The following RBFOX1 variants were observed in gnomAD, a reference collection of about 807,000 sequenced individuals.
RBFOX1 encodes RNA binding protein fox-1 homolog 1.
RBFOX1 carries 8 observed loss-of-function variants against 57.7 expected under a neutral mutation model. The observed-to-expected ratio is 0.14, with a 90% CI of 0.08 to 0.25. The LOEUF is 0.25. Among genes scored for constraint, RBFOX1 ranks in the 10% least tolerant of loss-of-function variants. The probability of loss-of-function intolerance (pLI) is 1.00; values close to 1 mark genes in which losing one functional copy is unlikely to be tolerated. For synonymous variants in RBFOX1, 326 were observed against 222.4 expected, an observed-to-expected ratio of 1.47 and a Z score of -4.15; for missense variants, 611 against 548.5, an observed-to-expected ratio of 1.11 and a Z score of -1.14.
intron 4 of RBFOX1, among the ~76,000 whole-genome samples, chr16:7,478,069 T>C (rs1384337199): frequency 3.0e-4 from 45 of 152,244 alleles, no homozygotes; most frequent in Admixed American, 2.9e-3. Context: ...GCATTTCAAA[T>C]GGATAAGCAC....
At chr16:5,815,156 A>ATTTTTTTTTTTTTT in intron 3 of RBFOX1, among the ~76,000 whole-genome samples, 1 of 114,222 alleles carries the variant, frequency 8.8e-6, no homozygotes, top group Non-Finnish European at 1.7e-5. Flanking sequence ...ATTTAATTTA[A>ATTTTTTTTTTTTTT]TTTTTTTTTT....
At chr16:5,707,180 C>G (rs1304819652) in intron 3 of RBFOX1, among the ~76,000 whole-genome samples, 1 of 152,164 alleles carries the variant, frequency 6.6e-6, no homozygotes, top group Non-Finnish European at 1.5e-5. Flanking sequence ...TTTGTGAGCC[C>G]ATGAGTAGGA....
In RBFOX1 at chr16:5,935,303, TGCCACATGGG is replaced by T. The variant is rs1231143991; in HGVS notation, c.351+67980_351+67989del. Among the ~76,000 whole-genome samples the T allele has an allele frequency of 7.9e-5, 12 of 152,262 alleles. 1 individual carries two copies. The highest frequency in any genetic ancestry group is 1.9e-4 in the East Asian group (1 of 5,178). ...GTTCCCAAGAGTAGGGGGCAGGCCA[TGCCACATGGG>T]GCCACATGGGGACACACGAGGATCC... On this transcript the variant is annotated intron_variant, in intron 4 of 19. Transcript: ENST00000641259.
At chr16:6,847,547 G>A (rs980831122) in intron 3 of RBFOX1, among the ~76,000 whole-genome samples, 1 of 152,108 alleles carries the variant, frequency 6.6e-6, no homozygotes, top group African/African-American at 2.4e-5. Context: ...CACAGTCAAG[G>A]TGTAGGGAAG....
intron 4 of RBFOX1, among the ~76,000 whole-genome samples, chr16:5,891,124 G>A (rs914118772): frequency 3.3e-5 from 5 of 152,220 alleles, no homozygotes; most frequent in Non-Finnish European, 5.9e-5. Context: ...GCCCAGCACA[G>A]AAGTCAGTTC....
At chr16:5,903,044 C>G (rs1374455214) in intron 4 of RBFOX1, among the ~76,000 whole-genome samples, 1 of 152,066 alleles carries the variant, frequency 6.6e-6, no homozygotes, top group Non-Finnish European at 1.5e-5. Flanking sequence ...GGCTCCTAGC[C>G]TTTTCTTGGA....
intron 1 of RBFOX1, among the ~76,000 whole-genome samples, chr16:5,370,904 G>A (rs182199481): frequency 1.1e-4 from 17 of 152,300 alleles, no homozygotes; most frequent in Admixed American, 7.2e-4. Context: ...TATGAACTGA[G>A]CAGTGTCCAT....
intron 3 of RBFOX1, among the ~76,000 whole-genome samples, chr16:7,018,881 G>A (rs769154044): frequency 6.6e-6 from 1 of 152,090 alleles, no homozygotes; most frequent in Non-Finnish European, 1.5e-5. Flanking sequence ...CACATTGGGA[G>A]GCCAAAGTGG....
chr16:5,472,924 C>T (rs2069187907), intron 2 of RBFOX1, among the ~76,000 whole-genome samples: 1 of 152,152 alleles, frequency 6.6e-6, no homozygotes, highest in Non-Finnish European at 1.5e-5. Flanking sequence ...CATGGAATTC[C>T]TGCTCAAAGT....
At chr16:6,640,869 C>T (rs552605097) in intron 2 of RBFOX1, among the ~76,000 whole-genome samples, 36 of 152,164 alleles carry the variant, frequency 2.4e-4, no homozygotes, top group African/African-American at 8.2e-4. Flanking sequence ...AGGCCAAGAC[C>T]CAAAACAAGC....
At chr16:7,547,362 T>G (rs1023235942) in intron 5 of RBFOX1, among the ~76,000 whole-genome samples, 1 of 152,204 alleles carries the variant, frequency 6.6e-6, no homozygotes. Flanking sequence ...ATTGTGTCAG[T>G]TGGCACCACA....
At chr16:5,443,327 A>C (rs961597539) in intron 1 of RBFOX1, among the ~76,000 whole-genome samples, 1 of 152,006 alleles carries the variant, frequency 6.6e-6, no homozygotes, top group Admixed American at 6.6e-5. Context: ...GTCACCTACC[A>C]TCTGCGTTTT....
At chr16:6,030,847 G>A (rs1401861024) in intron 1 of RBFOX1, among the ~76,000 whole-genome samples, 1 of 152,066 alleles carries the variant, frequency 6.6e-6, no homozygotes, top group Non-Finnish European at 1.5e-5. Context: ...GCCATTTATT[G>A]CCTTTTTCAT....
rs73530737 is a variant in RBFOX1, at chr16:6,783,252, G to A, written c.-16+128602G>A. On this transcript the variant is annotated intron_variant, in intron 3 of 15. Coordinates refer to ENST00000550418, the MANE Select transcript of RBFOX1 (RefSeq NM_018723.4). ...ACACTCATTGTTATTATTGATAGGT[G>A]AGGACTTACTACCGCCATTTAGTTG... Among the ~76,000 whole-genome samples the A allele has an allele frequency of 1.6e-3, 240 of 151,332 alleles. 2 individuals are homozygous for A. The highest frequency in any genetic ancestry group is 5.6e-3 in the African/African-American group (233 of 41,342).
chr16:5,757,155 G>T (rs1229128074), intron 3 of RBFOX1, among the ~76,000 whole-genome samples: 2 of 151,828 alleles, frequency 1.3e-5, no homozygotes, highest in Non-Finnish European at 2.9e-5. Flanking sequence ...CTTGCCCTTG[G>T]TCGATATTCA....
chr16:7,684,456 A>ATAGAT (rs1445675688), intron 14 of RBFOX1, among the ~76,000 whole-genome samples: 4 of 152,068 alleles, frequency 2.6e-5, no homozygotes, highest in Non-Finnish European at 5.9e-5. Flanking sequence ...GACTGTTCAA[A>ATAGAT]TAGATTAACA....
At chr16:6,819,167 C>G (rs1042400001) in intron 3 of RBFOX1, among the ~76,000 whole-genome samples, 2 of 152,264 alleles carry the variant, frequency 1.3e-5, no homozygotes, top group African/African-American at 2.4e-5. Flanking sequence ...CCCTGTGAGC[C>G]TTGTACACTG....
intron 2 of RBFOX1, among the ~76,000 whole-genome samples, chr16:6,648,575 C>T (rs1602653132): frequency 6.6e-6 from 1 of 152,172 alleles, no homozygotes; most frequent in Non-Finnish European, 1.5e-5. Flanking sequence ...CACCCTTCAG[C>T]CTTCAGTCCA....
chr16:5,420,462 A>G (rs974302670), intron 1 of RBFOX1, among the ~76,000 whole-genome samples: 2 of 152,028 alleles, frequency 1.3e-5, no homozygotes, highest in African/African-American at 4.8e-5. Flanking sequence ...ACACACACTC[A>G]TACACTCATG....
Sources: gnomAD v4.1 joint callset for allele counts (sites outside exome capture counted in the v4.1 genomes callset) on GRCh38, gnomAD v4.1.1 for gene constraint, MANE v1.5 for transcripts, NCBI Gene and HGNC (gene_info 2026-07-23, HGNC 2026-07-21) for gene names.